The following PCDHGA9 variants were observed in gnomAD, a reference collection of about 807,000 sequenced individuals.
The protein encoded by PCDHGA9 is protocadherin gamma-A9.
In PCDHGA9, 37 loss-of-function variants were observed where a neutral mutation model predicts 62.5. The observed-to-expected ratio is 0.59, with a 90% CI of 0.46 to 0.78. The LOEUF is 0.78. Among genes scored for constraint, PCDHGA9 ranks in the 30% least tolerant of loss-of-function variants. The pLI, the probability that PCDHGA9 is intolerant of heterozygous loss-of-function variation, is 0.00. For missense variants in PCDHGA9, 1,138 were observed against 1,166.2 expected, an observed-to-expected ratio of 0.98 and a Z score of 0.35; for synonymous variants, 459 against 484.6, an observed-to-expected ratio of 0.95 and a Z score of 0.69.
chr5:141,436,591 G>A (rs903125499), intron 1 of PCDHGA9, among the ~76,000 whole-genome samples: 8 of 152,154 alleles, frequency 5.3e-5, no homozygotes, highest in Non-Finnish European at 1.0e-4. Context: ...TTGAAAGGTC[G>A]TGGTGATGGC....
intron 1 of PCDHGA9, among the ~76,000 whole-genome samples, chr5:141,407,170 AC>A (rs2154538102): frequency 6.6e-6 from 1 of 152,368 alleles, no homozygotes; most frequent in Admixed American, 6.5e-5. Flanking sequence ...ATCCTTTATG[AC>A]ATACAGACAT....
At chr5:141,449,538 G>A (rs1445815017) in intron 1 of PCDHGA9, among the ~76,000 whole-genome samples, 15 of 145,960 alleles carry the variant, frequency 1.0e-4, no homozygotes, top group East Asian at 4.0e-4. Flanking sequence ...GCAGTGAGCC[G>A]AGATCGCACC....
rs2099605485 is a variant in PCDHGA9 at position 141,485,030 on chromosome 5, G to A, written c.2425-9777G>A. 1 of 674,340 alleles carries A rather than the reference G, an allele frequency of 1.5e-6. No individual in the cohort carries two copies. Among genetic ancestry groups the A allele is most frequent in the East Asian group, 2.6e-5 (1 of 38,292 alleles). The allele number at this position is 674,340 out of a possible 1,614,324, so 41.8% of individuals were successfully genotyped here. A position where few individuals can be genotyped will look rare whatever the true frequency, so the allele number is the denominator to read the frequency against. ...CTACCCCGCCACCAGCAAAAACGGC[G>A]CGTAACCCTTGCGGCGCCGGCCGAA... On this transcript the variant is annotated intron_variant, in intron 1 of 3. Transcript: ENST00000573521. The surrounding 1 kb of genome is among the most constrained non-coding windows in gnomAD (Gnocchi z 5.7).
chr5:141,478,956 T>C (rs2099484450), intron 1 of PCDHGA9, among the ~76,000 whole-genome samples: 1 of 152,200 alleles, frequency 6.6e-6, no homozygotes. Context: ...AACTACCTCA[T>C]TCCTCCACCT....
At chr5:141,471,504 G>A (rs1487198851) in intron 1 of PCDHGA9, 1 of 152,214 alleles carries the variant, frequency 6.6e-6, no homozygotes, top group Non-Finnish European at 1.5e-5. Flanking sequence ...ATGCAAGAGA[G>A]GGAGTAAAAA....
At chr5:141,481,462 C>T (rs1395867714) in intron 1 of PCDHGA9, among the ~76,000 whole-genome samples, 1 of 152,162 alleles carries the variant, frequency 6.6e-6, no homozygotes. Flanking sequence ...ACACTGAAAA[C>T]CATTGGATTA....
intron 1 of PCDHGA9, chr5:141,479,646 A>G (rs2099501987): frequency 6.6e-6 from 1 of 152,256 alleles, no homozygotes; most frequent in Admixed American, 6.5e-5. Context: ...CAACAACAAC[A>G]ACAACAATCC....
chr5:141,477,184 C>T lies in PCDHGA9; in HGVS notation c.2425-17623C>T. On this transcript the variant is annotated intron_variant, in intron 1 of 3. Coordinates refer to ENST00000573521, the MANE Select transcript of PCDHGA9 (RefSeq NM_018921.3). The surrounding 1 kb of genome is among the most constrained non-coding windows in gnomAD (Gnocchi z 4.9). ...ACGCCCCGGAGATCACAGTCACCTC[C>T]GTGTACAGCCCAGTACCCGAGGATG... The T allele has an allele frequency of 3.7e-6, 6 of 1,614,178 alleles. No individual in the cohort carries two copies. Among genetic ancestry groups the T allele is most frequent in the Non-Finnish European group, 5.1e-6 (6 of 1,180,032 alleles).
chr5:141,417,791 C>G, intron 1 of PCDHGA9: 1 of 1,482,658 alleles, frequency 6.7e-7, no homozygotes, highest in Non-Finnish European at 9.0e-7. Context: ...GCCGAATGCT[C>G]TTTTAGCGCG....
chr5:141,457,495 T>C (rs2098922394), intron 1 of PCDHGA9, among the ~76,000 whole-genome samples: 1 of 152,204 alleles, frequency 6.6e-6, no homozygotes, highest in Admixed American at 6.5e-5. Context: ...GTCTAAAATG[T>C]AGGCAAAAAG....
At chr5:141,415,420 G>A in intron 1 of PCDHGA9, 2 of 1,614,226 alleles carry the variant, frequency 1.2e-6, no homozygotes, top group Non-Finnish European at 1.7e-6. Flanking sequence ...GGGCGTGGAC[G>A]GGGTTCGGGC....
rs748828282 is a variant in PCDHGA9 at position 141,491,412 on chromosome 5, C to T, written c.2425-3395C>T. The T allele has an allele frequency of 3.1e-6, 5 of 1,613,944 alleles. No homozygotes were observed. The African/African-American group carries it at 5.3e-5, about 17-fold the overall frequency. Reference sequence around the variant, plus strand: ...GCCTTCAGGGAAACGCAGACGGGGACGGGGGTGGAGGGCAGTGCTGCAGGC... The same window carrying T: ...GCCTTCAGGGAAACGCAGACGGGGATGGGGGTGGAGGGCAGTGCTGCAGGC... On this transcript the variant is annotated intron_variant, in intron 1 of 3. Coordinates refer to ENST00000573521, the MANE Select transcript of PCDHGA9 (RefSeq NM_018921.3). The surrounding 1 kb of genome is among the most constrained non-coding windows in gnomAD (Gnocchi z 6.9).
chr5:141,413,824 A>C, intron 1 of PCDHGA9: 1 of 1,613,112 alleles, frequency 6.2e-7, no homozygotes, highest in South Asian at 1.1e-5. Flanking sequence ...CCTGGTCCTC[A>C]CCGCCTCCGA....
chr5:141,420,968 T>A (rs1031890748), intron 1 of PCDHGA9: 1 of 441,548 alleles, frequency 2.3e-6, no homozygotes, highest in Non-Finnish European at 4.0e-6. Context: ...GTTGCAATAA[T>A]AAGAATGGGC....
At chr5:141,434,462 C>T (rs2097695951) in intron 1 of PCDHGA9, among the ~76,000 whole-genome samples, 1 of 152,156 alleles carries the variant, frequency 6.6e-6, no homozygotes, top group Non-Finnish European at 1.5e-5. Flanking sequence ...GTGGGTTTAC[C>T]GGAATGAGGG....
At chr5:141,427,515 G>A (rs753526003) in intron 1 of PCDHGA9, 16 of 596,944 alleles carry the variant, frequency 2.7e-5, no homozygotes, top group African/African-American at 2.2e-4. Context: ...CCTGGATTGG[G>A]AGCGGATCCC....
At chr5:141,413,450 G>T (rs2095642221) in intron 1 of PCDHGA9, 1 of 1,614,148 alleles carries the variant, frequency 6.2e-7, no homozygotes, top group Non-Finnish European at 8.5e-7. Context: ...ATCACCGCGG[G>T]CAGGATAGAC....
At chr5:141,470,552 T>G (rs1303190360) in intron 1 of PCDHGA9, among the ~76,000 whole-genome samples, 1 of 151,966 alleles carries the variant, frequency 6.6e-6, no homozygotes, top group East Asian at 1.9e-4. Flanking sequence ...TTATTGAGAG[T>G]TTCCTCTGTG....
At chr5:141,411,309 C>A (rs2095479833) in intron 1 of PCDHGA9, 1 of 152,130 alleles carries the variant, frequency 6.6e-6, no homozygotes, top group African/African-American at 2.4e-5. Context: ...GTGGCTCACA[C>A]CTATAATCAC....
Sources: allele counts gnomAD v4.1 joint callset (sites outside exome capture counted in the v4.1 genomes callset), GRCh38; gene constraint gnomAD v4.1.1; non-coding constraint Gnocchi (gnomAD v3.1); transcripts MANE v1.5; gene names NCBI Gene and HGNC (gene_info 2026-07-23, HGNC 2026-07-21).